Variants in MUC4 observed in about 807,000 individuals in gnomAD.
The protein encoded by MUC4 is mucin 4, cell surface associated, also known as mucin-4.
MUC4 carries 202 observed loss-of-function variants against 257.9 expected under a neutral mutation model. That is an observed-to-expected ratio of 0.78 (90% CI 0.70 to 0.88). MUC4 has a LOEUF of 0.88. Ranked by LOEUF, MUC4 falls within the 40% of genes least tolerant of loss-of-function variation. MUC4 has a pLI of 0.00. For missense variants in MUC4, 5,976 were observed against 6,513.7 expected (o/e 0.92, Z 2.84); for synonymous variants, 2,351 against 2,757.1 (o/e 0.85, Z 4.62).
At chr3:195,762,389 G>C (rs941217168) in intron 13 of MUC4, 135 bp from the exon 14 acceptor site, 3 of 1,000,162 alleles carry the variant, frequency 3.0e-6, no homozygotes, top group Non-Finnish European at 4.3e-6. Context: ...ACTGGAGGCG[G>C]AGAAGAGGCC....
At position 195,779,712 on chromosome 3, in the gene MUC4, G is replaced by GGCTA. The variant is rs1726396374; in HGVS notation, c.11867_11868insTAGC (p.Asp3957SerfsTer90). ...GACCTGTGGATACTGAGGAAGTGTC[G>GGCTA]GTGACAGGAAGAGGGGTGGTGTCAC... On this transcript the variant is annotated frameshift_variant, in exon 2 of 25. Coordinates refer to ENST00000463781, the MANE Select transcript of MUC4 (RefSeq NM_018406.7). LOFTEE classifies it high-confidence loss of function. The GGCTA allele has an allele frequency of 1.4e-6, 2 of 1,400,160 alleles. No individual in the cohort carries two copies. The highest frequency in any genetic ancestry group is 1.9e-6 in the Non-Finnish European group (2 of 1,043,796). The allele number at this position is 1,400,160 out of a possible 1,614,324, so 86.7% of individuals were successfully genotyped here. A position where few individuals can be genotyped will look rare whatever the true frequency, so the allele number is the denominator to read the frequency against.
intron 20 of MUC4, among the ~76,000 whole-genome samples, 195 bp downstream of exon 20, chr3:195,752,856 C>T (rs1478386680): frequency 1.3e-5 from 2 of 152,236 alleles, no homozygotes; most frequent in Non-Finnish European, 2.9e-5. Context: ...GCCACACAGG[C>T]CCGTGGTCCT....
chr3:195,766,780 C>G (rs1296627245), intron 7 of MUC4, 29 bp from the exon 8 acceptor site: 22 of 1,595,398 alleles, frequency 1.4e-5, no homozygotes, highest in Non-Finnish European at 1.8e-5. Context: ...TCTCAGGCCT[C>G]TGCCGTGCAC....
chr3:195,775,474 ACCTTC>A (rs1724266357), intron 3 of MUC4, among the ~76,000 whole-genome samples: 1 of 110,896 alleles, frequency 9.0e-6, no homozygotes, highest in Non-Finnish European at 2.0e-5. Flanking sequence ...CCACAGTCAT[ACCTTC>A]CACACCCATA....
rs1312765449 is a variant in MUC4, at chr3:195,788,724, G to T, written c.2856C>A (p.Thr952=). ...ITSTGLTSPQ[T]ETHTLSPSGS... ...CTGAAGGTGACAGAGTGTGGGTCTC[G>T]GTTTGTGGAGATGTAAGCCCAGTGG... The change falls in exon 2 of 25, where the codon ACC becomes ACA. Residue 952 remains threonine, a synonymous_variant. Coordinates refer to ENST00000463781, the MANE Select transcript of MUC4 (RefSeq NM_018406.7). 13 of 1,612,734 alleles carry T rather than the reference G, an allele frequency of 8.1e-6. No homozygotes were observed. The highest frequency in any genetic ancestry group is 2.2e-5 in the South Asian group (2 of 90,918).
intron 13 of MUC4, 90 bp from the exon 14 acceptor site, chr3:195,762,344 C>A: frequency 7.3e-7 from 1 of 1,375,384 alleles, no homozygotes; most frequent in Non-Finnish European, 9.8e-7. Flanking sequence ...ACCACCCCCA[C>A]CCCGCCCCTG....
Position 195,747,268 on chromosome 3 carries a change from G to A in MUC4, c.16147C>T (p.Leu5383=). ...FFGALGGLLL[L]GVGTFVVLRF... is the part of the protein sequence containing the mutation. ...AGGACCACGAACGTCCCGACCCCCA[G>A]CAGCAAGAGGCCGCCCAGGGCCCCA... Residue 5383 remains leucine, a synonymous_variant, in exon 25 of 25, where the codon CTG becomes TTG. Coordinates refer to ENST00000463781, the MANE Select transcript of MUC4 (RefSeq NM_018406.7). 1.2e-6 allele frequency: 2 copies of A among 1,614,232 alleles called. No homozygotes were observed. The highest frequency in any genetic ancestry group is 1.7e-6 in the Non-Finnish European group (2 of 1,180,016).
intron 6 of MUC4, 154 bp from the exon 7 acceptor site, chr3:195,769,306 A>C (rs575945796): frequency 1.7e-6 from 2 of 1,191,370 alleles, no homozygotes; most frequent in African/African-American, 3.1e-5. Context: ...AAATGCTGGC[A>C]AGTTTTGGGT....
In MUC4 at chr3:195,783,021, G is replaced by T. The variant is rs1219618494; in HGVS notation, c.8559C>A (p.Asp2853Glu). ...CGTGACCTGTGGACACTGAGGAAGC[G>T]TCGGTGACAGGAAGAGGGGTGGTGT... ...SGHTTPLPVT[D>E]ASSVSTGHAT... The change falls in exon 2 of 25, where the codon GAC becomes GAA. Residue 2853 changes from aspartate to glutamate, a missense_variant. Asp to Glu is a conservative substitution (Grantham distance 45). Around this residue, in one of 44 missense-constraint regions of MUC4, gnomAD observed 228 missense variants for 206.3 expected, o/e 1.11. Coordinates refer to ENST00000463781, the MANE Select transcript of MUC4 (RefSeq NM_018406.7). The T allele has an allele frequency of 4.1e-6, 5 of 1,215,408 alleles. No individual in the cohort carries two copies. Among genetic ancestry groups the T allele is most frequent in the Non-Finnish European group, 5.5e-6 (5 of 901,226 alleles). 75.3% of individuals were successfully genotyped at this position (1,215,408 alleles called of 1,614,324 possible).
Position 195,757,167 on chromosome 3 carries a change from C to A in MUC4, c.15148G>T (p.Val5050Leu), listed in dbSNP as rs1276360968. 3 of 1,596,254 alleles carry A rather than the reference C, an allele frequency of 1.9e-6. No homozygotes were observed. Among genetic ancestry groups the A allele is most frequent in the Admixed American group, 1.7e-5 (1 of 59,714 alleles). ...SQCLYNQTSR[V>L]GNSSLEVAGC... ...CTCACCTCCAGGGAGGAGTTGCCCACCCTGCTGGTCTGATTGTACAAACAC... is the reference window on the plus strand; with the variant it reads ...CTCACCTCCAGGGAGGAGTTGCCCAACCTGCTGGTCTGATTGTACAAACAC... Residue 5050 changes from valine to leucine, a missense_variant, in exon 18 of 25, where the codon GTG becomes TTG. By Grantham distance (32) the Val-to-Leu change is conservative. Coordinates refer to ENST00000463781, the MANE Select transcript of MUC4 (RefSeq NM_018406.7). This position sits in a 1 kb window ranked among gnomAD's most constrained non-coding sequence, Gnocchi z 4.8.
chr3:195,762,301 G>GC, intron 13 of MUC4, 47 bp from the exon 14 acceptor site: 1 of 1,523,572 alleles, frequency 6.6e-7, no homozygotes, highest in South Asian at 1.2e-5. Flanking sequence ...CGGCACCACG[G>GC]CCCGCACCAA....
At chr3:195,767,608 ATTG>A (rs1279170208) in intron 7 of MUC4, among the ~76,000 whole-genome samples, 30 of 80,260 alleles carry the variant, frequency 3.7e-4, no homozygotes, top group African/African-American at 5.2e-4. Flanking sequence ...CATCATCACC[ATTG>A]CCACCACCAT....
rs868774247 is a variant in MUC4, at chr3:195,810,651, C to T, written c.82+1085G>A. On this transcript the variant is annotated intron_variant, in intron 1 of 24. Transcript: ENST00000463781. This position sits in a 1 kb window ranked among gnomAD's most constrained non-coding sequence, Gnocchi z 4.2. The stretch of plus-strand genomic sequence containing the variant: ...TAAGAAGCCCACGGCCAGCACCTCC[C>T]GGCCCTCTGCGCCCTGGCCGCCTCC... 6.6e-5 allele frequency among the ~76,000 whole-genome samples: 10 copies of T among 152,164 alleles called. No individual in the cohort carries two copies. The highest frequency in any genetic ancestry group is 1.4e-4 in the African/African-American group (6 of 41,426).
chr3:195,786,789 G>A lies in MUC4; in HGVS notation c.4791C>T (p.Asp1597=). Residue 1597 remains aspartate (D), a synonymous_variant, in exon 2 of 25, where the codon GAC becomes GAT. Transcript: ENST00000463781. Reference sequence around the variant, plus strand: ...GGCTGGTGACAGGAAGAGGGGTGGTGTCACCTTTGGATGCTGAGGAAGTGT... The same window carrying A: ...GGCTGGTGACAGGAAGAGGGGTGGTATCACCTTTGGATGCTGAGGAAGTGT... ...VTDTSSASKG[D]TTPLPVTSPS... 1 of 1,456,952 alleles carries A rather than the reference G, an allele frequency of 6.9e-7. No individual in the cohort carries two copies. The highest frequency in any genetic ancestry group is 9.1e-7 in the Non-Finnish European group (1 of 1,093,646). 90.3% of individuals were successfully genotyped at this position (1,456,952 alleles called of 1,614,324 possible).
At chr3:195,808,599 G>A (rs879364907) in intron 1 of MUC4, among the ~76,000 whole-genome samples, 3 of 152,166 alleles carry the variant, frequency 2.0e-5, no homozygotes, top group Non-Finnish European at 4.4e-5. Context: ...TCAGTTTGCC[G>A]ATGAAGAGCC....
In MUC4 at chr3:195,784,652, C is replaced by A. The variant is rs142766505; in HGVS notation, c.6928G>T (p.Ala2310Ser). The A allele has an allele frequency of 1.4e-4, 61 of 428,452 alleles. 5 individuals are homozygous for A. The African/African-American group carries it at 1.7e-3, about 12-fold the overall frequency. 26.5% of individuals were successfully genotyped at this position (428,452 alleles called of 1,614,324 possible). A position where few individuals can be genotyped will look rare whatever the true frequency, so the allele number is the denominator to read the frequency against. The change falls in exon 2 of 25, where the codon GCT becomes TCT. Residue 2310 changes from alanine to serine, a missense_variant. By Grantham distance (99) the Ala-to-Ser change is moderately conservative. Around this residue, in one of 44 missense-constraint regions of MUC4, gnomAD observed 62 missense variants for 74.0 expected, o/e 0.84. Coordinates refer to ENST00000463781, the MANE Select transcript of MUC4 (RefSeq NM_018406.7). Reference protein sequence around the residue: ...GHATPLHVTDASSASTGHATP... With the variant: ...GHATPLHVTDSSSASTGHATP... The stretch of plus-strand genomic sequence containing the variant: ...GCGTGACCTGTGGATGCTGAGGAAG[C>A]GTCGGTGACATGAAGAGGGGTGGCG...
chr3:195,751,138 G>A, intron 22 of MUC4, 26 bp from the exon 23 acceptor site: 3 of 1,527,182 alleles, frequency 2.0e-6, no homozygotes, highest in Admixed American at 3.9e-5. Context: ...ACGGTGAGGG[G>A]GGGTGGGGGG....
In MUC4 at chr3:195,788,468, CGTG is replaced by C. The variant is rs1560392071; in HGVS notation, c.3109_3111del (p.His1037del). ...AAGCTGGTGACAGGAAGAGGGGTGA[CGTG>C]ACCTGTGGATTCTGAGGAAGTGTCG... On this transcript the variant is annotated inframe_deletion, in exon 2 of 25. Coordinates refer to ENST00000463781, the MANE Select transcript of MUC4 (RefSeq NM_018406.7). 2.0e-6 allele frequency: 3 copies of C among 1,511,856 alleles called. No homozygotes were observed. The highest frequency in any genetic ancestry group is 5.0e-5 in the East Asian group (2 of 39,704). The allele number at this position is 1,511,856 out of a possible 1,614,324, so 93.7% of individuals were successfully genotyped here.
intron 21 of MUC4, 128 bp downstream of exon 21, chr3:195,752,245 G>A: frequency 2.3e-6 from 2 of 876,098 alleles, no homozygotes; most frequent in East Asian, 2.5e-5. Context: ...TGGGGCAAGA[G>A]GCTCCGGCCT....
Sources: allele counts gnomAD v4.1 joint callset (sites outside exome capture counted in the v4.1 genomes callset), GRCh38; gene constraint gnomAD v4.1.1; regional missense constraint gnomAD v4.1.1; non-coding constraint Gnocchi (gnomAD v3.1); transcripts MANE v1.5; gene names NCBI Gene and HGNC (gene_info 2026-07-23, HGNC 2026-07-21).